Variants in ITPR2 observed in about 807,000 individuals in gnomAD.
ITPR2 encodes the protein inositol 1,4,5-trisphosphate-gated calcium channel ITPR2.
ITPR2 carries 207 observed loss-of-function variants against 317.1 expected under a neutral mutation model. The ratio of observed to expected loss-of-function variants is 0.65; its 90% CI spans 0.58 to 0.73. The LOEUF is 0.73. Among genes scored for constraint, ITPR2 ranks in the 30% least tolerant of loss-of-function variants. The pLI, the probability that ITPR2 is intolerant of heterozygous loss-of-function variation, is 0.00. For synonymous variants in ITPR2, 1,156 were observed against 1,149.1 expected (o/e 1.01, Z -0.12); for missense variants, 2,613 against 3,284.0 (o/e 0.80, Z 4.99).
intron 37 of ITPR2, among the ~76,000 whole-genome samples, chr12:26,532,057 G>A (rs1263533386): frequency 6.6e-6 from 1 of 152,140 alleles, no homozygotes; most frequent in African/African-American, 2.4e-5. Flanking sequence ...ATTTGTGAAA[G>A]GATATTTACA....
At chr12:26,522,521 C>T (rs1248916729) in intron 37 of ITPR2, among the ~76,000 whole-genome samples, 1 of 152,170 alleles carries the variant, frequency 6.6e-6, no homozygotes, top group African/African-American at 2.4e-5. Flanking sequence ...GCTTTGGAAC[C>T]CCTATCCAGT....
chr12:26,490,130 C>G (rs903761130), intron 39 of ITPR2, among the ~76,000 whole-genome samples: 1 of 152,100 alleles, frequency 6.6e-6, no homozygotes, highest in African/African-American at 2.4e-5. Context: ...TGTTGAATGG[C>G]TATAAAGCAC....
chr12:26,753,919 C>T (rs192038715), intron 2 of ITPR2, among the ~76,000 whole-genome samples: 247 of 152,170 alleles, frequency 1.6e-3, no homozygotes, highest in Middle Eastern at 3.4e-3. Flanking sequence ...TGTGGCCATG[C>T]TTTCTCTTGT....
chr12:26,559,159 G>T (rs1235984896), intron 35 of ITPR2, among the ~76,000 whole-genome samples: 1 of 152,188 alleles, frequency 6.6e-6, no homozygotes, highest in African/African-American at 2.4e-5. Flanking sequence ...CTGCTTCCAT[G>T]TCTGGATCTT....
chr12:26,773,981 ATTTTTTTTTT>A (rs34106132), intron 2 of ITPR2, among the ~76,000 whole-genome samples: 4 of 91,392 alleles, frequency 4.4e-5, no homozygotes, highest in African/African-American at 1.3e-4. Flanking sequence ...CAACTGGAGA[ATTTTTTTTTT>A]TTTTTTTTTT....
intron 47 of ITPR2, among the ~76,000 whole-genome samples, chr12:26,437,583 T>C (rs932070025): frequency 5.9e-5 from 9 of 152,218 alleles, no homozygotes; most frequent in Non-Finnish European, 1.0e-4. Context: ...ATTCTCACTA[T>C]TGAATCCACC....
At chr12:26,803,286 T>C (rs1950589846) in intron 1 of ITPR2, among the ~76,000 whole-genome samples, 1 of 152,116 alleles carries the variant, frequency 6.6e-6, no homozygotes, top group Admixed American at 6.6e-5. Flanking sequence ...AATGAGCTCC[T>C]TGGGGACAGT....
chr12:26,675,660 A>C (rs1420763499), intron 13 of ITPR2, among the ~76,000 whole-genome samples: 2 of 152,224 alleles, frequency 1.3e-5, no homozygotes, highest in South Asian at 4.1e-4. Flanking sequence ...ACTAACCTGC[A>C]CATTGTGCAC....
intron 2 of ITPR2, among the ~76,000 whole-genome samples, chr12:26,749,404 T>C (rs1364234102): frequency 1.3e-5 from 2 of 152,236 alleles, no homozygotes; most frequent in South Asian, 2.1e-4. Flanking sequence ...TTTTTAACTC[T>C]AGTAATCATA....
intron 9 of ITPR2, 117 bp from the exon 10 acceptor site, chr12:26,695,767 C>T (rs948820463): frequency 3.0e-6 from 2 of 674,494 alleles, no homozygotes; most frequent in Non-Finnish European, 5.2e-6. Flanking sequence ...TAAAAAGATG[C>T]TAAGAAAGAA....
Position 26,338,040 on chromosome 12 carries a change from ACT to A in ITPR2, c.*1355_*1356del, listed in dbSNP as rs1565477169. ...GGCGTTGATAACTGAGAATTTAAAG[ACT>A]CTGGAGGCAGTGTTTTGTTCCTGTG... is the stretch of plus-strand genomic sequence containing the variant. On this transcript the variant is annotated 3_prime_UTR_variant, in exon 57 of 57. Transcript: ENST00000381340. The A allele has an allele frequency of 6.6e-6, 1 of 152,142 alleles. No individual in the cohort carries two copies. The highest frequency in any genetic ancestry group is 1.9e-4 in the East Asian group (1 of 5,194). 9.4% of individuals were successfully genotyped at this position (152,142 alleles called of 1,614,324 possible).
intron 9 of ITPR2, among the ~76,000 whole-genome samples, chr12:26,696,823 T>C (rs1384737454): frequency 1.3e-5 from 2 of 152,178 alleles, no homozygotes. Flanking sequence ...CAAAAACCTA[T>C]AGAGAAGAGT....
chr12:26,754,985 C>T (rs923781368), intron 2 of ITPR2, among the ~76,000 whole-genome samples: 5 of 152,106 alleles, frequency 3.3e-5, no homozygotes, highest in Admixed American at 1.3e-4. Flanking sequence ...ATCTGGCTTA[C>T]TTGATATTAA....
intron 1 of ITPR2, among the ~76,000 whole-genome samples, chr12:26,819,251 A>ATAAG (rs1950903434): frequency 6.6e-6 from 1 of 152,218 alleles, no homozygotes; most frequent in Non-Finnish European, 1.5e-5. Context: ...GATTCCTAGC[A>ATAAG]TAAGTCAATA....
chr12:26,420,844 T>G (rs1940866525), intron 49 of ITPR2, among the ~76,000 whole-genome samples: 1 of 151,998 alleles, frequency 6.6e-6, no homozygotes, highest in Non-Finnish European at 1.5e-5. Flanking sequence ...CTAAAAATGG[T>G]GAAAAAGAGA....
At chr12:26,542,779 T>G (rs530630782) in intron 37 of ITPR2, among the ~76,000 whole-genome samples, 8 of 152,352 alleles carry the variant, frequency 5.3e-5, no homozygotes, top group African/African-American at 1.9e-4. Context: ...GCCCTATAGA[T>G]TATATGTATG....
intron 45 of ITPR2, among the ~76,000 whole-genome samples, chr12:26,465,636 T>C (rs560677702): frequency 5.3e-4 from 80 of 150,872 alleles, no homozygotes; most frequent in African/African-American, 1.8e-3. Flanking sequence ...TCTCTTGCTC[T>C]GCCATACTCA....
intron 2 of ITPR2, among the ~76,000 whole-genome samples, chr12:26,744,225 C>T (rs564217427): frequency 5.3e-5 from 8 of 152,248 alleles, no homozygotes; most frequent in Non-Finnish European, 8.8e-5. Context: ...ATGAGCTGCT[C>T]TCTGGTTCTG....
intron 10 of ITPR2, among the ~76,000 whole-genome samples, chr12:26,688,704 GCCTGAGGC>G (rs1181280271): frequency 6.6e-6 from 1 of 152,122 alleles, no homozygotes; most frequent in East Asian, 1.9e-4. Context: ...CAGAGGCCAG[GCCTGAGGC>G]CCTTAAATAC....
Sources: allele counts gnomAD v4.1 joint callset (sites outside exome capture counted in the v4.1 genomes callset), GRCh38; gene constraint gnomAD v4.1.1; transcripts MANE v1.5; gene names NCBI Gene and HGNC (gene_info 2026-07-23, HGNC 2026-07-21).